IGFL4: variants seen among roughly 807,000 people sequenced by gnomAD.
IGFL4 encodes IGF like family member 4.
Under a neutral mutation model 15.4 loss-of-function variants are expected in IGFL4, and 12 were observed. The observed-to-expected ratio is 0.78, with a 90% CI of 0.50 to 1.26. IGFL4 has a LOEUF of 1.26. IGFL4 is among the 50% of genes most tolerant of loss of function. The pLI is 0.00. For synonymous variants in IGFL4, 54 were observed against 55.9 expected, an observed-to-expected ratio of 0.97 and a Z score of 0.16; for missense variants, 126 against 147.8, an observed-to-expected ratio of 0.85 and a Z score of 0.76.
In IGFL4 at chr19:46,040,319, CAA is replaced by C. The variant is rs752491615; in HGVS notation, c.166_167del (p.Leu56GlufsTer66). On this transcript the variant is annotated frameshift_variant, in exon 3 of 4. Transcript: ENST00000377697. LOFTEE classifies it high-confidence loss of function. The surrounding 1 kb of genome is among the most constrained non-coding windows in gnomAD (Gnocchi z 4.1). ...TGGAGCCGCAGAGCCGGGTCTGGTT[CAA>C]GTCTAGGATGACACCGTCATCACAG... ...QCCDDGVILD[L>X]NQTRLCGSSC... 1 of 1,614,156 alleles carries C rather than the reference CAA, an allele frequency of 6.2e-7. No individual in the cohort carries two copies. The highest frequency in any genetic ancestry group is 8.5e-7 in the Non-Finnish European group (1 of 1,180,024).
At chr19:46,076,664 T>TGTA in intron 1 of IGFL4, among the ~76,000 whole-genome samples, 1 of 147,084 alleles carries the variant, frequency 6.8e-6, no homozygotes, top group African/African-American at 2.5e-5. Flanking sequence ...ATTATTTAGT[T>TGTA]TTATTATAAA....
chr19:46,039,372 A>C lies in IGFL4; in HGVS notation c.*520T>G, dbSNP rs1457824261. Among the ~76,000 whole-genome samples, 2 of 146,138 alleles carry C rather than the reference A, an allele frequency of 1.4e-5. No homozygotes were observed. Among genetic ancestry groups the C allele is most frequent in the Non-Finnish European group, 3.0e-5 (2 of 66,194 alleles). On this transcript the variant is annotated 3_prime_UTR_variant, in exon 4 of 4. Coordinates refer to ENST00000377697, the MANE Select transcript of IGFL4 (RefSeq NM_001002923.3). Reference sequence around the variant, plus strand: ...TTGGCTTAGGATTGACTTGGCGATGAGGGCTCTTTTTTGGTTCCATATGAA... The same window carrying C: ...TTGGCTTAGGATTGACTTGGCGATGCGGGCTCTTTTTTGGTTCCATATGAA...
At chr19:46,045,821 A>G (rs907739341), upstream of IGFL4, among the ~76,000 whole-genome samples, 2 of 152,188 alleles carry the variant, frequency 1.3e-5, no homozygotes, top group Non-Finnish European at 1.5e-5. Context: ...GGAAATTGGA[A>G]CCAAGTTGGA....
chr19:46,077,531 C>G (rs575321229), upstream of IGFL4, among the ~76,000 whole-genome samples: 4 of 152,342 alleles, frequency 2.6e-5, no homozygotes, highest in East Asian at 7.7e-4. This position sits in a 1 kb window ranked among gnomAD's most constrained non-coding sequence, Gnocchi z 5.4. Flanking sequence ...AACTCAGGAG[C>G]GTTCCAAGTG....
At chr19:46,043,892 T>C (rs1171038082), upstream of IGFL4, among the ~76,000 whole-genome samples, 5 of 152,158 alleles carry the variant, frequency 3.3e-5, no homozygotes, top group African/African-American at 1.2e-4. Flanking sequence ...ATTGTCCATT[T>C]AAAAAATGGA....
chr19:46,064,840 T>G (rs1471699320), intron 1 of IGFL4, among the ~76,000 whole-genome samples: 1 of 152,218 alleles, frequency 6.6e-6, no homozygotes, highest in Non-Finnish European at 1.5e-5. Flanking sequence ...GGTAGCTCTA[T>G]TTTTAGTTTT....
At chr19:46,058,363 G>A (rs1353822269) in intron 2 of IGFL4, 1 of 152,154 alleles carries the variant, frequency 6.6e-6, no homozygotes, top group Non-Finnish European at 1.5e-5. Context: ...TGCAAGAGGT[G>A]GGTTCCCATG....
intron 1 of IGFL4, among the ~76,000 whole-genome samples, chr19:46,071,397 G>A (rs1444075926): frequency 6.6e-6 from 1 of 152,188 alleles, no homozygotes; most frequent in Non-Finnish European, 1.5e-5. Flanking sequence ...TATATCACTA[G>A]TATCACTAGT....
chr19:46,063,896 G>A (rs959703515), intron 1 of IGFL4, among the ~76,000 whole-genome samples: 6 of 152,080 alleles, frequency 3.9e-5, no homozygotes, highest in African/African-American at 1.4e-4. Context: ...ATGAGGTATA[G>A]ATTTGGTGCA....
upstream of IGFL4, among the ~76,000 whole-genome samples, chr19:46,042,860 C>T (rs1056619256): frequency 1.3e-5 from 2 of 152,222 alleles, no homozygotes; most frequent in Admixed American, 6.5e-5. Flanking sequence ...TGGCGGCCTC[C>T]CTTATCCATA....
chr19:46,048,443 T>G (rs1311808974), intron 2 of IGFL4, among the ~76,000 whole-genome samples: 2 of 152,062 alleles, frequency 1.3e-5, no homozygotes, highest in Admixed American at 6.6e-5. Flanking sequence ...GAGAAAGAAA[T>G]AAAGCGTATT....
chr19:46,074,043 C>T (rs543953255), intron 1 of IGFL4, among the ~76,000 whole-genome samples: 5 of 152,174 alleles, frequency 3.3e-5, no homozygotes, highest in African/African-American at 4.8e-5. Context: ...ATTTCTCCTT[C>T]GCACAGTGTT....
Position 46,039,831 on chromosome 19 carries a change from C to A in IGFL4, c.*61G>T. ...TGTCACAACAACAACAAAATCAATGCAGTATAATTACCAAGTATTAGATTC... is the reference window on the plus strand; with the variant it reads ...TGTCACAACAACAACAAAATCAATGAAGTATAATTACCAAGTATTAGATTC... On this transcript the variant is annotated 3_prime_UTR_variant, in exon 4 of 4. Coordinates refer to ENST00000377697, the MANE Select transcript of IGFL4 (RefSeq NM_001002923.3). The A allele has an allele frequency of 7.3e-7, 1 of 1,363,936 alleles. No individual in the cohort carries two copies. 84.5% of individuals were successfully genotyped at this position (1,363,936 alleles called of 1,614,324 possible). A position where few individuals can be genotyped will look rare whatever the true frequency, so the allele number is the denominator to read the frequency against.
At chr19:46,064,209 G>A (rs1969473785) in intron 1 of IGFL4, among the ~76,000 whole-genome samples, 1 of 151,822 alleles carries the variant, frequency 6.6e-6, no homozygotes, top group Non-Finnish European at 1.5e-5. Flanking sequence ...ATATATTTAT[G>A]GGGTACATGA....
chr19:46,059,147 G>C (rs1025216764), intron 2 of IGFL4: 1 of 152,186 alleles, frequency 6.6e-6, no homozygotes, highest in Non-Finnish European at 1.5e-5. Context: ...TTTATAAGCT[G>C]TATCTTGTTC....
At chr19:46,062,930 A>G (rs372958766) in intron 1 of IGFL4, 21 of 151,874 alleles carry the variant, frequency 1.4e-4, no homozygotes, top group East Asian at 1.2e-3. Flanking sequence ...GCCATCAGCA[A>G]AGAGTGCAAG....
chr19:46,057,328 G>C lies in IGFL4; in HGVS notation c.-323+2857C>G, dbSNP rs960630621. Among the ~76,000 whole-genome samples the C allele has an allele frequency of 5.9e-5, 9 of 151,930 alleles. No individual in the cohort carries two copies. The East Asian group carries it at 1.5e-3, about 26-fold the overall frequency. ...AAATATTAACCACATTTTTCCTCAG[G>C]GCTGAGGAAAGAATACACCAAAATA... is the stretch of plus-strand genomic sequence containing the variant. On this transcript the variant is annotated intron_variant, in intron 2 of 5. Transcript: ENST00000601672.
intron 1 of IGFL4, among the ~76,000 whole-genome samples, chr19:46,064,530 A>G (rs1969476610): frequency 6.6e-6 from 1 of 152,076 alleles, no homozygotes; most frequent in Non-Finnish European, 1.5e-5. Context: ...CCATGAGTTC[A>G]ATTGTTTTGA....
At chr19:46,055,100 G>C (rs79297993) in intron 2 of IGFL4, among the ~76,000 whole-genome samples, 3,727 of 152,222 alleles carry the variant, frequency 0.024, 179 homozygotes, top group African/African-American at 0.085. Flanking sequence ...TGAACCATGG[G>C]AGCAGTAAGT....
Sources: gnomAD v4.1 joint callset for allele counts (sites outside exome capture counted in the v4.1 genomes callset) on GRCh38, gnomAD v4.1.1 for gene constraint, Gnocchi (gnomAD v3.1) non-coding constraint, MANE v1.5 for transcripts, NCBI Gene and HGNC (gene_info 2026-07-23, HGNC 2026-07-21) for gene names.